PHF8: variants seen among roughly 807,000 people sequenced by gnomAD.
The protein encoded by PHF8 is PHD finger protein 8.
A neutral mutation model predicts 74.4 loss-of-function variants in PHF8; 9 were observed. That is an observed-to-expected ratio of 0.12 (90% CI 0.07 to 0.21). PHF8 has a LOEUF of 0.21. PHF8 is among the 10% of genes least tolerant of loss of function. The pLI is 1.00. For synonymous variants in PHF8, 311 were observed against 316.6 expected, an observed-to-expected ratio of 0.98 and a Z score of 0.19; for missense variants, 478 against 816.6, an observed-to-expected ratio of 0.59 and a Z score of 5.05.
rs868927307 is a variant in PHF8, at chrX:53,967,415, C to T, written c.2444-4476G>A. 6.7e-3 allele frequency among the ~76,000 whole-genome samples: 678 copies of T among 101,428 alleles called. 2 individuals carry two copies. The highest frequency in any genetic ancestry group is 0.025 in the African/African-American group (666 of 26,881). The allele number at this position is 101,428 out of a possible 115,157, so 88.1% of individuals were successfully genotyped here. A position where few individuals can be genotyped will look rare whatever the true frequency, so the allele number is the denominator to read the frequency against. On this transcript the variant is annotated intron_variant, in intron 18 of 21. Transcript: ENST00000338154. The stretch of plus-strand genomic sequence containing the variant: ...GCCGCCCCGTCCGGGAGGTGAGGGG[C>T]GCCTCTGCCCGGCTGCCCCTACTGG...
At chrX:53,972,757 C>T (rs1569525726) in intron 18 of PHF8, among the ~76,000 whole-genome samples, 2 of 111,478 alleles carry the variant, frequency 1.8e-5, no homozygotes, top group African/African-American at 3.3e-5. Flanking sequence ...TGCCCTCTCT[C>T]GCCACTCCTA....
At chrX:53,997,203 C>A (rs1250380328) in intron 11 of PHF8, among the ~76,000 whole-genome samples, 1 of 111,679 alleles carries the variant, frequency 9.0e-6, no homozygotes, top group African/African-American at 3.3e-5. Flanking sequence ...CAGCTGCTGG[C>A]CCACAGCTAG....
chrX:54,022,745 A>G lies in PHF8; in HGVS notation c.184+13T>C. The G allele has an allele frequency of 9.2e-7, 1 of 1,088,050 alleles. No individual in the cohort carries two copies. Among genetic ancestry groups the G allele is most frequent in the Non-Finnish European group, 1.3e-6 (1 of 783,337 alleles). The allele number at this position is 1,088,050 out of a possible 1,213,427, so 89.7% of individuals were successfully genotyped here. A position where few individuals can be genotyped will look rare whatever the true frequency, so the allele number is the denominator to read the frequency against. ...TGGATTGTCTTCTCTAGGAAACCCT[A>G]AGATCTACTTACTAATGGAGGGCCC... is the stretch of plus-strand genomic sequence containing the variant. On this transcript the variant is annotated intron_variant, in intron 3 of 21. Transcript: ENST00000338154.
At chrX:53,939,949 AG>A (rs1409158131) in intron 21 of PHF8, among the ~76,000 whole-genome samples, 2 of 110,517 alleles carry the variant, frequency 1.8e-5, no homozygotes, top group Non-Finnish European at 3.8e-5. Context: ...TCCCATCTCT[AG>A]CCCACCCTCT....
chrX:53,969,682 A>C (rs1440537494), intron 18 of PHF8, among the ~76,000 whole-genome samples: 2 of 112,529 alleles, frequency 1.8e-5, no homozygotes, highest in African/African-American at 6.5e-5. Context: ...CTGAGCAGTA[A>C]GAACAAAGCT....
intron 18 of PHF8, among the ~76,000 whole-genome samples, chrX:53,975,996 T>C (rs1448376784): frequency 1.8e-5 from 2 of 110,848 alleles, no homozygotes; most frequent in Non-Finnish European, 3.8e-5. Flanking sequence ...ATGCTGTTAA[T>C]ATATCAACTT....
chrX:53,942,511 T>TTTCG (rs2064767204), intron 20 of PHF8: 1 of 122,426 alleles, frequency 8.2e-6, no homozygotes, highest in South Asian at 3.4e-4. Context: ...TGTTTCTTTC[T>TTTCG]TTCGTTCATT....
intron 10 of PHF8, among the ~76,000 whole-genome samples, chrX:54,001,932 G>A (rs976944781): frequency 2.7e-5 from 3 of 110,913 alleles, no homozygotes; most frequent in Admixed American, 9.6e-5. Context: ...GAAGGGGCTC[G>A]GGGCTGGGCG....
chrX:54,035,084 C>A (rs983952140), intron 2 of PHF8, among the ~76,000 whole-genome samples: 4 of 111,328 alleles, frequency 3.6e-5, no homozygotes, highest in Non-Finnish European at 5.7e-5. Context: ...TTCAACCGGA[C>A]ATGGTGGCTC....
At chrX:53,941,901 A>T (rs782300126) in intron 20 of PHF8, among the ~76,000 whole-genome samples, 3 of 111,664 alleles carry the variant, frequency 2.7e-5, no homozygotes, top group Non-Finnish European at 5.6e-5. Context: ...TTCACATCCA[A>T]GCCATTTGGC....
intron 19 of PHF8, among the ~76,000 whole-genome samples, chrX:53,953,023 T>C (rs914563853): frequency 9.5e-6 from 1 of 105,365 alleles, no homozygotes; most frequent in African/African-American, 3.5e-5. Flanking sequence ...GCCTGTAATC[T>C]CAGCACTTTG....
At chrX:53,968,682 G>A (rs1557093772) in intron 18 of PHF8, among the ~76,000 whole-genome samples, 1 of 112,139 alleles carries the variant, frequency 8.9e-6, no homozygotes, top group Non-Finnish European at 1.9e-5. Flanking sequence ...GCCAAGGTGG[G>A]CAGATCACCT....
At chrX:54,003,218 G>T (rs984379075) in intron 8 of PHF8, among the ~76,000 whole-genome samples, 3 of 111,861 alleles carry the variant, frequency 2.7e-5, no homozygotes, top group Non-Finnish European at 3.8e-5. Context: ...GGTAAAAATT[G>T]ATAAATATAA....
chrX:54,047,069 C>T (rs2066638096), upstream of PHF8, among the ~76,000 whole-genome samples: 1 of 111,773 alleles, frequency 8.9e-6, no homozygotes, highest in African/African-American at 3.3e-5. Flanking sequence ...CCATGTGACC[C>T]TATGGAAAGT....
In PHF8 at chrX:53,987,762, A is replaced by G. The variant is rs1557100054; in HGVS notation, c.1909+4T>C. The G allele has an allele frequency of 2.5e-6, 3 of 1,180,059 alleles. No individual in the cohort carries two copies. Among genetic ancestry groups the G allele is most frequent in the Admixed American group, 2.3e-5 (1 of 42,714 alleles). On this transcript the variant is annotated splice_donor_region_variant and intron_variant, in intron 15 of 21. Transcript: ENST00000338154. Reference sequence around the variant, plus strand: ...GGGAGGAAAAAGAAAGAACAGACACACACTTGGTCTTATTATCAGGGTCGC... The same window carrying G: ...GGGAGGAAAAAGAAAGAACAGACACGCACTTGGTCTTATTATCAGGGTCGC...
In PHF8 at chrX:54,016,742, G is replaced by T. The variant is rs1399827178; in HGVS notation, c.455-6C>A. The T allele has an allele frequency of 1.7e-6, 2 of 1,193,442 alleles. No homozygotes were observed. The highest frequency in any genetic ancestry group is 3.5e-5 in the African/African-American group (2 of 56,748). Reference sequence around the variant, plus strand: ...ATCAATCTCTTTGTCAGAACCTGGAGTAAAGAGATAGGTTCTGCACCAAGT... The same window carrying T: ...ATCAATCTCTTTGTCAGAACCTGGATTAAAGAGATAGGTTCTGCACCAAGT... On this transcript the variant is annotated splice_region_variant and splice_polypyrimidine_tract_variant and intron_variant, in intron 5 of 21. Coordinates refer to ENST00000338154, the MANE Select transcript of PHF8 (RefSeq NM_015107.3).
intron 19 of PHF8, among the ~76,000 whole-genome samples, chrX:53,947,428 G>A (rs1274794413): frequency 8.9e-6 from 1 of 112,981 alleles, no homozygotes; most frequent in Non-Finnish European, 1.9e-5. Context: ...TAAGCAGTAT[G>A]CAGATTCTAG....
In PHF8 at chrX:54,042,808, C is replaced by G; in HGVS notation, c.-80G>C. ...GGCGGGAGGCGGCAGCACGCGTCCT[C>G]TCTGGACGATAGCTAGGCACAAATA... On this transcript the variant is annotated 5_prime_UTR_variant, in exon 2 of 22. Transcript: ENST00000338154. 1.7e-6 allele frequency: 2 copies of G among 1,157,401 alleles called. No individual in the cohort carries two copies. The highest frequency in any genetic ancestry group is 3.9e-5 in the South Asian group (2 of 50,814).
intron 8 of PHF8, among the ~76,000 whole-genome samples, chrX:54,004,025 GAAT>G (rs2065863101): frequency 8.9e-6 from 1 of 111,881 alleles, no homozygotes; most frequent in South Asian, 3.7e-4. Context: ...GTGGCTAGTA[GAAT>G]ATTATACTGA....
Sources: gnomAD v4.1 joint callset for allele counts (sites outside exome capture counted in the v4.1 genomes callset) on GRCh38, gnomAD v4.1.1 for gene constraint, MANE v1.5 for transcripts, NCBI Gene and HGNC (gene_info 2026-07-23, HGNC 2026-07-21) for gene names.